Variants in RTN1 observed in about 807,000 individuals in gnomAD.
The protein encoded by RTN1 is reticulon 1.
Under a neutral mutation model 65.5 loss-of-function variants are expected in RTN1, and 25 were observed. That is an observed-to-expected ratio of 0.38 (90% CI 0.28 to 0.53). RTN1 has a LOEUF of 0.53. RTN1 is among the 20% of genes least tolerant of loss of function. The pLI is 0.79. For synonymous variants in RTN1, 471 were observed against 447.6 expected, an observed-to-expected ratio of 1.05 and a Z score of -0.66; for missense variants, 983 against 1,025.4, an observed-to-expected ratio of 0.96 and a Z score of 0.57.
At chr14:59,599,092 T>C (rs1421523289) in intron 8 of RTN1, among the ~76,000 whole-genome samples, 1 of 152,196 alleles carries the variant, frequency 6.6e-6, no homozygotes, top group South Asian at 2.1e-4. Flanking sequence ...ATTGATTTTT[T>C]AAAGATGCTT....
intron 3 of RTN1, among the ~76,000 whole-genome samples, chr14:59,655,647 C>G (rs1376597008): frequency 1.3e-5 from 2 of 152,186 alleles, no homozygotes; most frequent in Non-Finnish European, 2.9e-5. Flanking sequence ...GGAACAGAAT[C>G]AAGAGTCTAG....
chr14:59,676,436 A>T (rs1883629231), intron 3 of RTN1, among the ~76,000 whole-genome samples: 1 of 152,208 alleles, frequency 6.6e-6, no homozygotes, highest in African/African-American at 2.4e-5. Flanking sequence ...TCAATTAAGT[A>T]TCAGTAGTTA....
intron 3 of RTN1, among the ~76,000 whole-genome samples, chr14:59,681,666 C>T (rs904825814): frequency 6.6e-6 from 1 of 152,174 alleles, no homozygotes; most frequent in African/African-American, 2.4e-5. Context: ...AGGTCACTAA[C>T]TGCTTACTAA....
At chr14:59,723,423 G>A (rs1441006383) in intron 3 of RTN1, among the ~76,000 whole-genome samples, 1 of 151,530 alleles carries the variant, frequency 6.6e-6, no homozygotes, top group Non-Finnish European at 1.5e-5. Flanking sequence ...TGGCTAACAT[G>A]GTGAAACCCC....
chr14:59,770,471 G>C (rs1386805662), intron 1 of RTN1, among the ~76,000 whole-genome samples: 1 of 151,474 alleles, frequency 6.6e-6, no homozygotes, highest in Non-Finnish European at 1.5e-5. Context: ...TTGGACTTTG[G>C]AAATGCATCA....
intron 8 of RTN1, among the ~76,000 whole-genome samples, chr14:59,597,696 C>A (rs1240221137): frequency 6.6e-6 from 1 of 152,124 alleles, no homozygotes; most frequent in African/African-American, 2.4e-5. Flanking sequence ...GGTGGTATGG[C>A]AGGCAGTGAG....
At chr14:59,630,647 G>A (rs2140184688) in intron 3 of RTN1, 2 of 1,313,466 alleles carry the variant, frequency 1.5e-6, no homozygotes, top group Non-Finnish European at 1.9e-6. Context: ...GCGGCGCGCG[G>A]TGAGGGGCGG....
At chr14:59,855,468 G>C (rs1009860521) in intron 1 of RTN1, among the ~76,000 whole-genome samples, 2 of 151,778 alleles carry the variant, frequency 1.3e-5, no homozygotes, top group African/African-American at 4.8e-5. Flanking sequence ...TCTTTGCTGG[G>C]GACTCTCTAT....
At chr14:59,861,738 CAA>C (rs1887713702) in intron 1 of RTN1, among the ~76,000 whole-genome samples, 1 of 152,186 alleles carries the variant, frequency 6.6e-6, no homozygotes, top group Non-Finnish European at 1.5e-5. Context: ...TCAGCTGGGT[CAA>C]GTCTTCTTCC....
intron 3 of RTN1, among the ~76,000 whole-genome samples, chr14:59,697,772 T>C (rs930446424): frequency 6.6e-6 from 1 of 152,144 alleles, no homozygotes; most frequent in African/African-American, 2.4e-5. Flanking sequence ...GTCAACAGCG[T>C]GATGTGGCTG....
At chr14:59,671,625 T>G (rs1883506862) in intron 3 of RTN1, among the ~76,000 whole-genome samples, 1 of 152,188 alleles carries the variant, frequency 6.6e-6, no homozygotes, top group African/African-American at 2.4e-5. Context: ...AGAATCAAGT[T>G]TCAGACCCAG....
chr14:59,681,712 A>G (rs1307637956), intron 3 of RTN1, among the ~76,000 whole-genome samples: 2 of 151,988 alleles, frequency 1.3e-5, no homozygotes, highest in African/African-American at 4.8e-5. Context: ...GCATCTATGA[A>G]CTCATTTTCC....
chr14:59,612,421 T>C (rs1207794588), intron 3 of RTN1, among the ~76,000 whole-genome samples: 23 of 152,190 alleles, frequency 1.5e-4, no homozygotes, highest in Admixed American at 1.5e-3. Context: ...GGTCTCTCTC[T>C]CTCTCCCTTT....
chr14:59,704,880 T>TG (rs1884258171), intron 3 of RTN1, among the ~76,000 whole-genome samples: 5 of 152,054 alleles, frequency 3.3e-5, no homozygotes, highest in Admixed American at 3.3e-4. Context: ...CATACTGGGT[T>TG]GGGGGAAGGG....
intron 1 of RTN1, among the ~76,000 whole-genome samples, chr14:59,869,350 A>C (rs2139683890): frequency 6.6e-6 from 1 of 151,406 alleles, no homozygotes; most frequent in South Asian, 2.1e-4. Flanking sequence ...CCAAAACTAC[A>C]CAACTCCCAC....
chr14:59,793,144 T>C (rs1886379742), intron 1 of RTN1, among the ~76,000 whole-genome samples: 1 of 152,224 alleles, frequency 6.6e-6, no homozygotes, highest in Non-Finnish European at 1.5e-5. Flanking sequence ...CATCATATTC[T>C]ACAGAGAAAC....
At chr14:59,859,700 C>T (rs1887671309) in intron 1 of RTN1, among the ~76,000 whole-genome samples, 1 of 152,132 alleles carries the variant, frequency 6.6e-6, no homozygotes, top group Non-Finnish European at 1.5e-5. Flanking sequence ...ACGGCTTTGA[C>T]CAAAAGCCTG....
intron 1 of RTN1, among the ~76,000 whole-genome samples, chr14:59,750,796 C>T (rs1885502784): frequency 7.5e-6 from 1 of 133,396 alleles, no homozygotes; most frequent in Admixed American, 8.8e-5. Context: ...CTCACTGCAG[C>T]CTCAACCTAT....
In RTN1 at chr14:59,790,810, T is replaced by C. The variant is rs1478014286; in HGVS notation, c.242-44329A>G. Among the ~76,000 whole-genome samples, 1 of 152,206 alleles carries C rather than the reference T, an allele frequency of 6.6e-6. No individual in the cohort carries two copies. Among genetic ancestry groups the C allele is most frequent in the African/African-American group, 2.4e-5 (1 of 41,460 alleles). Reference sequence around the variant, plus strand: ...TTTGAGTTTTGTATCTATTGCCTTCTGATGTTTAACTCAGTATCTTATGTT... The same window carrying C: ...TTTGAGTTTTGTATCTATTGCCTTCCGATGTTTAACTCAGTATCTTATGTT... On this transcript the variant is annotated intron_variant, in intron 1 of 8. Coordinates refer to ENST00000267484, the MANE Select transcript of RTN1 (RefSeq NM_021136.3). This position sits in a 1 kb window ranked among gnomAD's most constrained non-coding sequence, Gnocchi z 4.1.
Sources: gnomAD v4.1 joint callset for allele counts (sites outside exome capture counted in the v4.1 genomes callset) on GRCh38, gnomAD v4.1.1 for gene constraint, Gnocchi (gnomAD v3.1) non-coding constraint, MANE v1.5 for transcripts, NCBI Gene and HGNC (gene_info 2026-07-23, HGNC 2026-07-21) for gene names.